The following RBM18 variants were observed in gnomAD, a reference collection of about 807,000 sequenced individuals.
RBM18 encodes probable RNA-binding protein 18.
In RBM18, 18 loss-of-function variants were observed where a neutral mutation model predicts 26.4. That is an observed-to-expected ratio of 0.68 (90% CI 0.47 to 1.01). The LOEUF (loss-of-function observed/expected upper bound fraction) is 1.01, where lower values mean the gene tolerates loss of function less well. Among genes scored for constraint, RBM18 ranks in the 50% least tolerant of loss-of-function variants. RBM18 has a pLI of 0.00. For synonymous variants in RBM18, 74 were observed against 81.1 expected (o/e 0.91, Z 0.47); for missense variants, 180 against 219.2 (o/e 0.82, Z 1.13).
chr9:122,245,127 A>G lies in RBM18; in HGVS notation c.413+129T>C, dbSNP rs186574764. 6 of 650,588 alleles carry G rather than the reference A, an allele frequency of 9.2e-6. No individual in the cohort carries two copies. In the Admixed American group the frequency reaches 1.6e-4, roughly 17 times the overall value. The allele number at this position is 650,588 out of a possible 1,614,324, so 40.3% of individuals were successfully genotyped here. ...ATGTATACATTCTGGAGACTAACTG[A>G]ACATCTCTCTTGTCAAGTTAATAAA... On this transcript the variant is annotated intron_variant, in intron 5 of 5. Transcript: ENST00000417201.
chr9:122,244,747 C>G (rs373126558), intron 5 of RBM18, among the ~76,000 whole-genome samples: 2 of 152,346 alleles, frequency 1.3e-5, no homozygotes, highest in African/African-American at 4.8e-5. Context: ...TTAACTTCCC[C>G]TTCCTCTACC....
At position 122,253,869 on chromosome 9, in the gene RBM18, TA is replaced by T. The variant is rs1302689429; in HGVS notation, c.114-1897del. ...GGTGAAACCCTGTCTCTACTAAAAA[TA>T]CAAAAAAATTAGCCAAGCATGGTGG... On this transcript the variant is annotated intron_variant, in intron 2 of 5. Coordinates refer to ENST00000417201, the MANE Select transcript of RBM18 (RefSeq NM_033117.4). 7.3e-5 allele frequency among the ~76,000 whole-genome samples: 11 copies of T among 150,604 alleles called. No homozygotes were observed. The South Asian group carries it at 2.1e-3, about 29-fold the overall frequency.
intron 1 of RBM18, among the ~76,000 whole-genome samples, chr9:122,262,413 GGAAGCATTCAATT>G (rs144688188): frequency 0.071 from 10,789 of 152,214 alleles, 654 homozygotes; most frequent in African/African-American, 0.16. Context: ...ATGGCACCTA[GGAAGCATTCAATT>G]AATGTTAGCT....
In RBM18 at chr9:122,241,368, TTC is replaced by T. The variant is rs1831416515; in HGVS notation, c.*514_*515del. On this transcript the variant is annotated 3_prime_UTR_variant, in exon 6 of 6. Coordinates refer to ENST00000417201, the MANE Select transcript of RBM18 (RefSeq NM_033117.4). ...AATCAGCTCCTTTTTGCCAAGAACT[TTC>T]TCTTTTTCAGTCCAGTTGGAGGGAT... The T allele has an allele frequency of 6.6e-6, 1 of 152,652 alleles. No homozygotes were observed. Among genetic ancestry groups the T allele is most frequent in the Admixed American group, 6.5e-5 (1 of 15,288 alleles). 9.5% of individuals were successfully genotyped at this position (152,652 alleles called of 1,614,324 possible).
intron 2 of RBM18, chr9:122,254,357 T>A: frequency 1.1e-6 from 1 of 912,562 alleles, no homozygotes; most frequent in Non-Finnish European, 1.3e-6. Flanking sequence ...TTTCTTAAAA[T>A]TATCGGAACA....
chr9:122,250,292 T>C (rs912099926), intron 3 of RBM18, among the ~76,000 whole-genome samples: 1 of 152,134 alleles, frequency 6.6e-6, no homozygotes, highest in Non-Finnish European at 1.5e-5. Flanking sequence ...GCAGTTTTAT[T>C]AAGAAAAACT....
chr9:122,253,081 G>A (rs115321890), intron 2 of RBM18, among the ~76,000 whole-genome samples: 4 of 152,254 alleles, frequency 2.6e-5, no homozygotes, highest in African/African-American at 7.2e-5. Context: ...TACTAAAAAG[G>A]TATCAGCCCA....
At position 122,258,924 on chromosome 9, in the gene RBM18, A is replaced by G. The variant is rs940281335; in HGVS notation, c.113+2456T>C. Among the ~76,000 whole-genome samples the G allele has an allele frequency of 4.9e-3, 745 of 151,206 alleles. 6 individuals carry two copies. The highest frequency in any genetic ancestry group is 0.025 in the East Asian group (131 of 5,146). On this transcript the variant is annotated intron_variant, in intron 2 of 5. Transcript: ENST00000417201. ...CAGAGCTGTCAAAAAAAAAAAAAAAAAAGAAGAAGAAGAAAAAAGAATCTA... is the reference window on the plus strand; with the variant it reads ...CAGAGCTGTCAAAAAAAAAAAAAAAGAAGAAGAAGAAGAAAAAAGAATCTA...
intron 2 of RBM18, among the ~76,000 whole-genome samples, chr9:122,256,302 C>T (rs1479167962): frequency 6.6e-6 from 1 of 152,186 alleles, no homozygotes; most frequent in Non-Finnish European, 1.5e-5. Context: ...CTTATTAGTA[C>T]TTATAGGCCT....
intron 1 of RBM18, among the ~76,000 whole-genome samples, chr9:122,262,826 C>A (rs1463877360): frequency 2.6e-5 from 4 of 152,136 alleles, no homozygotes; most frequent in African/African-American, 9.7e-5. Context: ...CCCAAGTGAT[C>A]CATCCACGTC....
Position 122,251,963 on chromosome 9 carries a change from G to T in RBM18, c.124C>A (p.Leu42Ile), listed in dbSNP as rs762847246. 30 of 1,614,018 alleles carry T rather than the reference G, an allele frequency of 1.9e-5. No homozygotes were observed. Among genetic ancestry groups the T allele is most frequent in the Non-Finnish European group, 1.3e-5 (15 of 1,179,996 alleles). The change falls in exon 3 of 6, where the codon CTC becomes ATC. Residue 42 changes from leucine to isoleucine, a missense_variant. Physicochemically the swap from Leu to Ile is conservative, Grantham distance 5. Coordinates refer to ENST00000417201, the MANE Select transcript of RBM18 (RefSeq NM_033117.4). ...TTGCCAAACTTCTGGAGGAGCTTGA[G>T]GAGGTGGTATCTGTGGAGAAAGAAG... Reference protein sequence around the residue: ...LDPKITEYHLLKLLQKFGKVK... With the variant: ...LDPKITEYHLIKLLQKFGKVK...
chr9:122,254,935 G>C (rs1831665655), intron 2 of RBM18, among the ~76,000 whole-genome samples: 1 of 152,162 alleles, frequency 6.6e-6, no homozygotes. Flanking sequence ...ATCTGACTGG[G>C]TTGTGTCAGT....
Position 122,241,861 on chromosome 9 carries a change from G to A in RBM18, c.*23C>T. The A allele has an allele frequency of 6.2e-7, 1 of 1,607,812 alleles. No homozygotes were observed. Among genetic ancestry groups the A allele is most frequent in the Non-Finnish European group, 8.5e-7 (1 of 1,176,876 alleles). On this transcript the variant is annotated 3_prime_UTR_variant, in exon 6 of 6. Transcript: ENST00000417201. ...TAGGTGTGGAGACCAATTTGCTTTT[G>A]CTGCTACAGTAATTCACAACCATCA... is the stretch of plus-strand genomic sequence containing the variant.
At chr9:122,248,155 T>C (rs925108717) in intron 3 of RBM18, among the ~76,000 whole-genome samples, 4 of 152,208 alleles carry the variant, frequency 2.6e-5, no homozygotes, top group African/African-American at 9.7e-5. Context: ...AGTATGCTAT[T>C]TGGCAGGTCA....
chr9:122,256,711 G>A (rs2118970650), intron 2 of RBM18, among the ~76,000 whole-genome samples: 1 of 152,280 alleles, frequency 6.6e-6, no homozygotes, highest in East Asian at 1.9e-4. Context: ...TTAGGTGGTG[G>A]AAATTATCAT....
At chr9:122,260,824 G>C (rs1489781919) in intron 2 of RBM18, among the ~76,000 whole-genome samples, 1 of 152,150 alleles carries the variant, frequency 6.6e-6, no homozygotes, top group Non-Finnish European at 1.5e-5. Flanking sequence ...CTCTAAGACA[G>C]GGTTCTTCAG....
At chr9:122,245,182 T>C in intron 5 of RBM18, 74 bp downstream of exon 5, 4 of 859,796 alleles carry the variant, frequency 4.7e-6, no homozygotes, top group South Asian at 1.4e-5. Context: ...CACTATTTTA[T>C]GAACGAAGAC....
At chr9:122,264,187 TTA>T (rs1491139650) in intron 1 of RBM18, among the ~76,000 whole-genome samples, 1 of 152,198 alleles carries the variant, frequency 6.6e-6, no homozygotes, top group Non-Finnish European at 1.5e-5. Flanking sequence ...ACTCGAAGAC[TTA>T]GTTTCTTTTT....
rs533274975 is a variant in RBM18, at chr9:122,239,905, G to C, written c.*1979C>G. Reference sequence around the variant, plus strand: ...TCTGCAGAGAAGGCACTTAGAAGAAGCACCCCACGTGGACATGCTGGCCAG... The same window carrying C: ...TCTGCAGAGAAGGCACTTAGAAGAACCACCCCACGTGGACATGCTGGCCAG... On this transcript the variant is annotated 3_prime_UTR_variant, in exon 6 of 6. Coordinates refer to ENST00000417201, the MANE Select transcript of RBM18 (RefSeq NM_033117.4). 1 of 152,208 alleles carries C rather than the reference G, an allele frequency of 6.6e-6. No individual in the cohort carries two copies. Among genetic ancestry groups the C allele is most frequent in the South Asian group, 2.1e-4 (1 of 4,824 alleles). 9.4% of individuals were successfully genotyped at this position (152,208 alleles called of 1,614,324 possible).
Sources: allele counts gnomAD v4.1 joint callset (sites outside exome capture counted in the v4.1 genomes callset), GRCh38; gene constraint gnomAD v4.1.1; transcripts MANE v1.5; gene names NCBI Gene and HGNC (gene_info 2026-07-23, HGNC 2026-07-21).